The following ITPR2 variants were observed in gnomAD, a reference collection of about 807,000 sequenced individuals.
ITPR2 encodes inositol 1,4,5-trisphosphate-gated calcium channel ITPR2.
Under a neutral mutation model 317.1 loss-of-function variants are expected in ITPR2, and 207 were observed. The ratio of observed to expected loss-of-function variants is 0.65; its 90% CI spans 0.58 to 0.73. The LOEUF (loss-of-function observed/expected upper bound fraction) is 0.73. Among genes scored for constraint, ITPR2 ranks in the 30% least tolerant of loss-of-function variants. ITPR2 has a pLI of 0.00. For synonymous variants in ITPR2, 1,156 were observed against 1,149.1 expected, an observed-to-expected ratio of 1.01 and a Z score of -0.12; for missense variants, 2,613 against 3,284.0, an observed-to-expected ratio of 0.80 and a Z score of 4.99.
At chr12:26,642,923 T>A (rs774944642) in intron 21 of ITPR2, among the ~76,000 whole-genome samples, 1 of 152,062 alleles carries the variant, frequency 6.6e-6, no homozygotes, top group Non-Finnish European at 1.5e-5. Flanking sequence ...AAGACAGCAC[T>A]CAACTGCCAG....
intron 45 of ITPR2, among the ~76,000 whole-genome samples, chr12:26,451,898 C>T (rs565212676): frequency 6.6e-5 from 10 of 152,276 alleles, no homozygotes; most frequent in East Asian, 3.9e-4. Flanking sequence ...CTTTGTACTA[C>T]GATTTTATCA....
At chr12:26,665,492 T>A (rs1371699728) in intron 14 of ITPR2, among the ~76,000 whole-genome samples, 1 of 152,240 alleles carries the variant, frequency 6.6e-6, no homozygotes, top group East Asian at 1.9e-4. Context: ...GTAGAACTGA[T>A]GTTACTTCTA....
intron 55 of ITPR2, among the ~76,000 whole-genome samples, chr12:26,380,061 T>A (rs151287950): frequency 6.6e-6 from 1 of 152,338 alleles, no homozygotes; most frequent in East Asian, 1.9e-4. Context: ...TTATTCTCCA[T>A]GGCAATTCTA....
At chr12:26,434,945 C>T (rs4963996) in intron 48 of ITPR2, among the ~76,000 whole-genome samples, 24,877 of 152,116 alleles carry the variant, frequency 0.16, 2,662 homozygotes, top group East Asian at 0.38. Flanking sequence ...GAAGAGAATG[C>T]CGTTTTTACT....
chr12:26,605,108 TAAA>T (rs56341745), intron 26 of ITPR2, among the ~76,000 whole-genome samples: 7,227 of 114,172 alleles, frequency 0.063, 393 homozygotes, highest in Non-Finnish European at 0.087. Context: ...AAAATAAAAA[TAAA>T]AAATAAAAAA....
chr12:26,816,750 G>A (rs1364363956), intron 1 of ITPR2, among the ~76,000 whole-genome samples: 1 of 152,166 alleles, frequency 6.6e-6, no homozygotes, highest in Non-Finnish European at 1.5e-5. Flanking sequence ...GCCTCACATA[G>A]TCTGGGAGAT....
intron 2 of ITPR2, among the ~76,000 whole-genome samples, chr12:26,763,190 A>T (rs551912543): frequency 1.3e-5 from 2 of 152,098 alleles, no homozygotes; most frequent in African/African-American, 4.8e-5. Context: ...CATTTAATCA[A>T]TTCATAATGT....
Position 26,589,954 on chromosome 12 carries a change from T to A in ITPR2, c.4380+5511A>T, listed in dbSNP as rs149670425. Among the ~76,000 whole-genome samples, 1,150 of 150,678 alleles carry A rather than the reference T, an allele frequency of 7.6e-3. 9 individuals are homozygous for A. Among genetic ancestry groups the A allele is most frequent in the African/African-American group, 0.027 (1,086 of 40,970 alleles). ...TCATCTGCTGCCTGAAGTACTGGGT[T>A]CCATCCTGAATGTCATACCTTTCAA... On this transcript the variant is annotated intron_variant, in intron 32 of 56. Transcript: ENST00000381340.
chr12:26,810,285 T>C (rs950396941), intron 1 of ITPR2, among the ~76,000 whole-genome samples: 2 of 152,226 alleles, frequency 1.3e-5, no homozygotes, highest in Non-Finnish European at 2.9e-5. Context: ...TTGCCTCAAA[T>C]CCTTATAGCT....
At chr12:26,558,122 A>G (rs1944713456) in intron 35 of ITPR2, among the ~76,000 whole-genome samples, 1 of 152,230 alleles carries the variant, frequency 6.6e-6, no homozygotes, top group Non-Finnish European at 1.5e-5. Context: ...AAAGAGACTA[A>G]TGGGAACTAG....
At chr12:26,355,300 G>T (rs916702841) in intron 55 of ITPR2, among the ~76,000 whole-genome samples, 10 of 152,206 alleles carry the variant, frequency 6.6e-5, no homozygotes, top group Non-Finnish European at 1.0e-4. Context: ...TAAAAGGAGT[G>T]CTACTAATAA....
intron 22 of ITPR2, among the ~76,000 whole-genome samples, chr12:26,629,322 C>T (rs920085909): frequency 6.6e-6 from 1 of 152,172 alleles, no homozygotes; most frequent in African/African-American, 2.4e-5. Flanking sequence ...GGCAGTGGCT[C>T]ATGGCTGTAA....
At chr12:26,627,711 G>A (rs1946652347) in intron 23 of ITPR2, among the ~76,000 whole-genome samples, 1 of 152,070 alleles carries the variant, frequency 6.6e-6, no homozygotes, top group Non-Finnish European at 1.5e-5. Flanking sequence ...TCATAAGTGG[G>A]AGTTCAACAA....
intron 2 of ITPR2, among the ~76,000 whole-genome samples, chr12:26,763,100 AGAG>A (rs1267668390): frequency 6.6e-6 from 1 of 152,144 alleles, no homozygotes. Context: ...AAAATATCTA[AGAG>A]AGTATATCTT....
chr12:26,543,063 G>A (rs1484213229), intron 37 of ITPR2, among the ~76,000 whole-genome samples: 2 of 152,086 alleles, frequency 1.3e-5, no homozygotes, highest in Non-Finnish European at 2.9e-5. Flanking sequence ...AACTTGTAAT[G>A]CTCTATAAAT....
intron 1 of ITPR2, among the ~76,000 whole-genome samples, chr12:26,811,144 G>T (rs1270722994): frequency 6.6e-6 from 1 of 150,902 alleles, no homozygotes; most frequent in Non-Finnish European, 1.5e-5. Flanking sequence ...GTTTTAAAAT[G>T]ACTGCCTAAA....
intron 37 of ITPR2, among the ~76,000 whole-genome samples, chr12:26,544,377 A>G (rs1944337419): frequency 6.6e-6 from 1 of 152,176 alleles, no homozygotes; most frequent in Non-Finnish European, 1.5e-5. Context: ...AGTAGGTAAA[A>G]TCTAATTACA....
intron 55 of ITPR2, among the ~76,000 whole-genome samples, chr12:26,343,190 A>C (rs1938194128): frequency 1.3e-5 from 2 of 152,170 alleles, no homozygotes; most frequent in South Asian, 4.1e-4. Context: ...ACAGCAACAC[A>C]AAACAGATTA....
intron 55 of ITPR2, among the ~76,000 whole-genome samples, chr12:26,360,247 C>T (rs375616081): frequency 1.3e-5 from 2 of 152,312 alleles, no homozygotes; most frequent in East Asian, 1.9e-4. Flanking sequence ...AAACACACCA[C>T]GAATCCTCTC....
Sources: gnomAD v4.1 joint callset for allele counts (sites outside exome capture counted in the v4.1 genomes callset) on GRCh38, gnomAD v4.1.1 for gene constraint, MANE v1.5 for transcripts, NCBI Gene and HGNC (gene_info 2026-07-23, HGNC 2026-07-21) for gene names.